Variants in FHIT observed in about 807,000 individuals in gnomAD.
FHIT encodes the protein bis(5'-adenosyl)-triphosphatase.
In FHIT, 19 loss-of-function variants were observed where a neutral mutation model predicts 17.9. That is an observed-to-expected ratio of 1.06 (90% confidence interval 0.74 to 1.56). FHIT has a LOEUF of 1.56. Among genes scored for constraint, FHIT ranks in the 40% most tolerant of loss-of-function variants. The pLI is 0.00. For synonymous variants in FHIT, 81 were observed against 69.7 expected (o/e 1.16, Z -0.81); for missense variants, 248 against 189.2 (o/e 1.31, Z -1.82).
chr3:61,208,914 A>G (rs1225649289), intron 1 of FHIT, among the ~76,000 whole-genome samples: 2 of 151,886 alleles, frequency 1.3e-5, no homozygotes, highest in African/African-American at 4.8e-5. Context: ...CCTAGCCTTG[A>G]TGGTCTTTAA....
chr3:60,667,576 T>C (rs983338731), intron 4 of FHIT, among the ~76,000 whole-genome samples: 1 of 152,226 alleles, frequency 6.6e-6, no homozygotes, highest in Non-Finnish European at 1.5e-5. Context: ...AAAATTATTG[T>C]CAGATAATTC....
chr3:60,714,491 A>T (rs1303206759), intron 4 of FHIT, among the ~76,000 whole-genome samples: 1 of 152,204 alleles, frequency 6.6e-6, no homozygotes, highest in Non-Finnish European at 1.5e-5. Context: ...AGGAAGTCAA[A>T]TTGTTCCTGT....
chr3:60,278,504 TC>T (rs1707278480), intron 5 of FHIT, among the ~76,000 whole-genome samples: 1 of 152,086 alleles, frequency 6.6e-6, no homozygotes, highest in Admixed American at 6.5e-5. Context: ...ACAACAATTA[TC>T]CTTCCTGAGA....
At chr3:60,783,476 A>T (rs1443121537) in intron 4 of FHIT, among the ~76,000 whole-genome samples, 2 of 152,240 alleles carry the variant, frequency 1.3e-5, no homozygotes, top group Non-Finnish European at 2.9e-5. Flanking sequence ...ATAAAGAACA[A>T]GGCCAAGGTT....
chr3:61,166,358 C>T (rs2037837032), intron 2 of FHIT, among the ~76,000 whole-genome samples: 1 of 152,160 alleles, frequency 6.6e-6, no homozygotes, highest in African/African-American at 2.4e-5. Flanking sequence ...GCTTTCTTCT[C>T]TACTCCTCGT....
At chr3:59,910,720 A>G (rs1328543796) in intron 8 of FHIT, among the ~76,000 whole-genome samples, 1 of 152,230 alleles carries the variant, frequency 6.6e-6, no homozygotes, top group Non-Finnish European at 1.5e-5. Flanking sequence ...CATATAGGCC[A>G]TATTACTCTG....
chr3:59,829,503 C>A (rs1701090669), intron 8 of FHIT, among the ~76,000 whole-genome samples: 1 of 152,158 alleles, frequency 6.6e-6, no homozygotes, highest in Admixed American at 6.5e-5. Flanking sequence ...TTCTCCCATG[C>A]TGCCTTACTC....
intron 5 of FHIT, among the ~76,000 whole-genome samples, chr3:60,525,919 A>G (rs2035555607): frequency 1.3e-5 from 2 of 152,088 alleles, no homozygotes; most frequent in Admixed American, 1.3e-4. Context: ...CCTGAGCAAC[A>G]TGGTGAAACC....
At chr3:59,976,526 G>T (rs915977467) in intron 7 of FHIT, among the ~76,000 whole-genome samples, 4 of 151,876 alleles carry the variant, frequency 2.6e-5, no homozygotes, top group Non-Finnish European at 4.4e-5. Flanking sequence ...ATGTCATGGA[G>T]GGGTCATAAG....
intron 4 of FHIT, among the ~76,000 whole-genome samples, chr3:60,766,934 C>A (rs541427229): frequency 6.6e-6 from 1 of 152,264 alleles, no homozygotes; most frequent in Non-Finnish European, 1.5e-5. Flanking sequence ...ATCCATGGAC[C>A]AAATACCTTT....
intron 5 of FHIT, among the ~76,000 whole-genome samples, chr3:60,483,159 A>G (rs887230911): frequency 1.3e-5 from 2 of 152,198 alleles, no homozygotes; most frequent in African/African-American, 2.4e-5. Flanking sequence ...CAGACCAATA[A>G]TAAGTTCTGA....
chr3:60,438,600 G>C (rs187512954), intron 5 of FHIT, among the ~76,000 whole-genome samples: 15 of 151,920 alleles, frequency 9.9e-5, no homozygotes, highest in African/African-American at 3.6e-4. Context: ...AAACTAAGAA[G>C]AACTGAGGTC....
At chr3:60,496,972 C>CA (rs140889391) in intron 5 of FHIT, among the ~76,000 whole-genome samples, 20,740 of 150,552 alleles carry the variant, frequency 0.14, 1,538 homozygotes, top group Middle Eastern at 0.2. Flanking sequence ...AAACAAAAAA[C>CA]AAAAAAAAAC....
intron 4 of FHIT, among the ~76,000 whole-genome samples, chr3:60,688,816 G>A (rs539539432): frequency 6.6e-6 from 1 of 152,252 alleles, no homozygotes; most frequent in South Asian, 2.1e-4. Flanking sequence ...TTGTAACACT[G>A]TAATCTTATT....
At chr3:60,866,651 G>A (rs1704178356) in intron 3 of FHIT, among the ~76,000 whole-genome samples, 1 of 152,202 alleles carries the variant, frequency 6.6e-6, no homozygotes, top group Non-Finnish European at 1.5e-5. Context: ...TTAAGCAGTT[G>A]AGTTTTGGCA....
chr3:60,570,296 G>A (rs1205147686), intron 4 of FHIT, among the ~76,000 whole-genome samples: 8 of 152,094 alleles, frequency 5.3e-5, no homozygotes, highest in Non-Finnish European at 1.2e-4. Flanking sequence ...TACTGAGGAC[G>A]AATTTAATGG....
chr3:60,336,539 A>T (rs1253009682), intron 5 of FHIT, among the ~76,000 whole-genome samples: 3 of 152,198 alleles, frequency 2.0e-5, no homozygotes, highest in Non-Finnish European at 2.9e-5. Flanking sequence ...TTTGTGCTCA[A>T]GAATCACCTC....
At chr3:60,779,823 T>G (rs2108092457) in intron 4 of FHIT, among the ~76,000 whole-genome samples, 1 of 152,284 alleles carries the variant, frequency 6.6e-6, no homozygotes, top group East Asian at 1.9e-4. Flanking sequence ...TTCCTGCTGA[T>G]TAAGCCAACC....
chr3:60,792,215 A>G (rs1373822365), intron 4 of FHIT, among the ~76,000 whole-genome samples: 2 of 152,210 alleles, frequency 1.3e-5, no homozygotes, highest in Non-Finnish European at 2.9e-5. Context: ...AATAGCCAGC[A>G]CTACACCAAA....
Sources: allele counts gnomAD v4.1 joint callset (sites outside exome capture counted in the v4.1 genomes callset), GRCh38; gene constraint gnomAD v4.1.1; transcripts MANE v1.5; gene names NCBI Gene and HGNC (gene_info 2026-07-23, HGNC 2026-07-21).